The following FILIP1L variants were observed in gnomAD, a reference collection of about 807,000 sequenced individuals.
FILIP1L encodes the protein filamin A interacting protein 1 like.
A neutral mutation model predicts 96.6 loss-of-function variants in FILIP1L; 55 were observed. The ratio of observed to expected loss-of-function variants is 0.57; its 90% CI spans 0.46 to 0.71. The LOEUF (loss-of-function observed/expected upper bound fraction) is 0.71, where lower values mean the gene tolerates loss of function less well. FILIP1L is among the 30% of genes least tolerant of loss of function. The pLI, the probability that FILIP1L is intolerant of heterozygous loss-of-function variation, is 0.00. For synonymous variants in FILIP1L, 467 were observed against 473.9 expected (o/e 0.99, Z 0.19); for missense variants, 1,304 against 1,321.2 (o/e 0.99, Z 0.20).
rs145398719 is a variant in FILIP1L at position 100,035,181 on chromosome 3, A to G, written c.-11+78872T>C. Among the ~76,000 whole-genome samples the G allele has an allele frequency of 8.7e-4, 132 of 152,336 alleles. 5 individuals carry two copies. The East Asian group carries it at 0.024, about 28-fold the overall frequency. Reference sequence around the variant, plus strand: ...AGCAATTTGATGATGAAAGCCATCTACATTTTCAAGTCCCTTGAACCAAAT... The same window carrying G: ...AGCAATTTGATGATGAAAGCCATCTGCATTTTCAAGTCCCTTGAACCAAAT... On this transcript the variant is annotated intron_variant, in intron 1 of 5. Transcript: ENST00000477258.
At chr3:99,875,371 ATATAC>A (rs1485911025) in intron 4 of FILIP1L, among the ~76,000 whole-genome samples, 1 of 152,204 alleles carries the variant, frequency 6.6e-6, no homozygotes, top group East Asian at 1.9e-4. Flanking sequence ...TTTTTACATA[ATATAC>A]TACTATCCAA....
intron 1 of FILIP1L, among the ~76,000 whole-genome samples, chr3:100,028,282 A>G (rs753847775): frequency 6.6e-6 from 1 of 152,184 alleles, no homozygotes; most frequent in Non-Finnish European, 1.5e-5. Context: ...CAGCTAACCT[A>G]TCAAACCCAG....
chr3:99,999,549 G>A (rs1169141964), intron 1 of FILIP1L, among the ~76,000 whole-genome samples: 3 of 152,162 alleles, frequency 2.0e-5, no homozygotes. Flanking sequence ...CACTGTATAA[G>A]CTAAATCCTT....
At chr3:99,993,835 T>C (rs1709595933) in intron 1 of FILIP1L, among the ~76,000 whole-genome samples, 1 of 152,244 alleles carries the variant, frequency 6.6e-6, no homozygotes. Context: ...TACTTGATCA[T>C]GATATATTAT....
chr3:100,048,309 G>A (rs1227232145), intron 1 of FILIP1L, among the ~76,000 whole-genome samples: 1 of 152,224 alleles, frequency 6.6e-6, no homozygotes, highest in African/African-American at 2.4e-5. Flanking sequence ...TTTAGTCCCA[G>A]AGGCCCCTCA....
At chr3:99,901,551 AG>A (rs1314360115) in intron 4 of FILIP1L, among the ~76,000 whole-genome samples, 2 of 152,234 alleles carry the variant, frequency 1.3e-5, no homozygotes, top group Non-Finnish European at 2.9e-5. Context: ...TCGTCGGGAA[AG>A]CTCACTGTAC....
At chr3:99,962,434 ATTATC>A (rs1293209746) in intron 1 of FILIP1L, among the ~76,000 whole-genome samples, 11 of 152,124 alleles carry the variant, frequency 7.2e-5, no homozygotes, top group Admixed American at 2.6e-4. Flanking sequence ...TATTTTGTAT[ATTATC>A]TTTTGTTGTT....
chr3:100,091,711 A>G (rs2107436026), intron 1 of FILIP1L, among the ~76,000 whole-genome samples: 1 of 152,376 alleles, frequency 6.6e-6, no homozygotes, highest in South Asian at 2.1e-4. Flanking sequence ...AATAAAAATA[A>G]TGGAAAACTA....
At chr3:99,860,377 G>C (rs1418429655) in intron 4 of FILIP1L, among the ~76,000 whole-genome samples, 1 of 152,134 alleles carries the variant, frequency 6.6e-6, no homozygotes, top group Non-Finnish European at 1.5e-5. Flanking sequence ...TAAGGAGCTT[G>C]GTAGCTTTTA....
At chr3:99,905,488 C>T (rs1438376991) in intron 4 of FILIP1L, among the ~76,000 whole-genome samples, 2 of 152,224 alleles carry the variant, frequency 1.3e-5, no homozygotes, top group Non-Finnish European at 2.9e-5. Context: ...GAACATGTAA[C>T]ATACTCCATT....
chr3:100,051,277 A>G (rs1221125869), intron 1 of FILIP1L: 2 of 152,170 alleles, frequency 1.3e-5, no homozygotes, highest in African/African-American at 2.4e-5. Flanking sequence ...ATGCTGTGCA[A>G]TTAGAATAAT....
chr3:99,914,964 T>A (rs2107643516), intron 4 of FILIP1L, among the ~76,000 whole-genome samples: 1 of 152,352 alleles, frequency 6.6e-6, no homozygotes, highest in Admixed American at 6.5e-5. Context: ...ATATAAAAAC[T>A]GCAATGTATG....
chr3:99,972,013 G>A (rs1481316197), intron 1 of FILIP1L, among the ~76,000 whole-genome samples: 1 of 152,174 alleles, frequency 6.6e-6, no homozygotes, highest in Non-Finnish European at 1.5e-5. Context: ...TCAGCAAATG[G>A]ATAAGATGGT....
At chr3:99,951,393 C>T (rs1398111106) in intron 1 of FILIP1L, among the ~76,000 whole-genome samples, 2 of 152,090 alleles carry the variant, frequency 1.3e-5, no homozygotes, top group African/African-American at 4.8e-5. Flanking sequence ...TGTTTGCTCA[C>T]GGATACCTTG....
chr3:100,063,026 G>T lies in FILIP1L; in HGVS notation c.-11+51027C>A, dbSNP rs117206444. On this transcript the variant is annotated intron_variant, in intron 1 of 5. Transcript: ENST00000477258. ...AGGCAAAATTTCTAGGAGTTCTCAG[G>T]CATCCTCAAGATGGCATTTGGAGTT... 6.8e-4 allele frequency among the ~76,000 whole-genome samples: 103 copies of T among 152,292 alleles called. 1 individual carries two copies. The East Asian group carries it at 0.018, about 26-fold the overall frequency.
At chr3:100,064,389 C>G (rs2065626091) in intron 1 of FILIP1L, among the ~76,000 whole-genome samples, 1 of 152,078 alleles carries the variant, frequency 6.6e-6, no homozygotes, top group African/African-American at 2.4e-5. Context: ...TCCTGACCCC[C>G]CCAACACCCT....
chr3:100,095,802 A>G (rs147963042), intron 1 of FILIP1L, among the ~76,000 whole-genome samples: 3 of 152,302 alleles, frequency 2.0e-5, no homozygotes, highest in East Asian at 3.9e-4. Flanking sequence ...GCTTCTGCCC[A>G]GCAAAGGAAA....
intron 1 of FILIP1L, among the ~76,000 whole-genome samples, chr3:99,967,681 T>TGAAA (rs950772951): frequency 2.0e-5 from 3 of 152,212 alleles, no homozygotes; most frequent in Non-Finnish European, 4.4e-5. Flanking sequence ...TGGTAGTAGC[T>TGAAA]GAAAGACACC....
intron 4 of FILIP1L, among the ~76,000 whole-genome samples, chr3:99,919,842 G>A (rs1031634789): frequency 9.2e-5 from 14 of 152,206 alleles, no homozygotes; most frequent in African/African-American, 3.4e-4. Flanking sequence ...GAACTTCCCA[G>A]GGTGTGGTCA....
Sources: allele counts gnomAD v4.1 joint callset (sites outside exome capture counted in the v4.1 genomes callset), GRCh38; gene constraint gnomAD v4.1.1; transcripts MANE v1.5; gene names NCBI Gene and HGNC (gene_info 2026-07-23, HGNC 2026-07-21).